WDR82: variants seen among roughly 807,000 people sequenced by gnomAD.
WDR82 encodes the protein WD repeat domain 82, also known as WD repeat-containing protein 82.
In WDR82, 8 loss-of-function variants were observed where a neutral mutation model predicts 36.1. That is an observed-to-expected ratio of 0.22 (90% CI 0.13 to 0.40). The LOEUF is 0.40. WDR82 is among the 10% of genes least tolerant of loss of function. WDR82 has a pLI of 1.00. For synonymous variants in WDR82, 129 were observed against 137.8 expected, an observed-to-expected ratio of 0.94 and a Z score of 0.45; for missense variants, 185 against 400.5, an observed-to-expected ratio of 0.46 and a Z score of 4.59.
At chr3:52,270,935 G>C (rs936348483) in intron 1 of WDR82, 126 bp from the exon 2 acceptor site, 9 of 597,106 alleles carry the variant, frequency 1.5e-5, no homozygotes, top group African/African-American at 3.8e-5. Flanking sequence ...TCTAACACTG[G>C]AAAGAAACAA....
At chr3:52,261,610 A>G (rs543723383) in intron 3 of WDR82, 131 bp from the exon 4 acceptor site, 11 of 639,600 alleles carry the variant, frequency 1.7e-5, no homozygotes, top group African/African-American at 1.5e-4. Context: ...AAGAAACACA[A>G]TAAAACACAC....
intron 1 of WDR82, among the ~76,000 whole-genome samples, chr3:52,277,236 G>T (rs958894059): frequency 6.6e-6 from 1 of 152,070 alleles, no homozygotes; most frequent in Admixed American, 6.6e-5. Flanking sequence ...TGGCTCCAAG[G>T]AGCTGCAAGT....
Position 52,278,350 on chromosome 3 carries a change from G to C in WDR82, c.12C>G (p.Thr4=), listed in dbSNP as rs755133868. The C allele has an allele frequency of 6.3e-7, 1 of 1,577,182 alleles. No homozygotes were observed. Among genetic ancestry groups the C allele is most frequent in the Admixed American group, 1.8e-5 (1 of 54,370 alleles). The change falls in exon 1 of 9, where the codon ACC becomes ACG. Residue 4 remains threonine, a synonymous_variant. Coordinates refer to ENST00000296490, the MANE Select transcript of WDR82 (RefSeq NM_025222.4). MKL[T]DSVLRSFRVA... is the part of the protein sequence containing the mutation. ...CGCGGAAGCTCCGCAACACGCTGTC[G>C]GTCAGCTTCATGGCGGCGGCTGGGG...
chr3:52,265,633 T>C (rs1700099290), intron 3 of WDR82, among the ~76,000 whole-genome samples: 1 of 148,538 alleles, frequency 6.7e-6, no homozygotes, highest in African/African-American at 2.5e-5. Context: ...TGGAGTGCAG[T>C]GGCGCCACCT....
At chr3:52,278,147 G>A in intron 1 of WDR82, 54 bp downstream of exon 1, 1 of 1,508,042 alleles carries the variant, frequency 6.6e-7, no homozygotes, top group South Asian at 1.2e-5. Flanking sequence ...GACCTGTGCT[G>A]GGCCACCGGA....
At chr3:52,258,848 T>C (rs568305709) in intron 7 of WDR82, among the ~76,000 whole-genome samples, 170 bp from the exon 8 acceptor site, 2 of 152,338 alleles carry the variant, frequency 1.3e-5, no homozygotes, top group African/African-American at 2.4e-5. Flanking sequence ...GAAATTTATC[T>C]TGACCCTAGC....
intron 6 of WDR82, 49 bp downstream of exon 6, chr3:52,259,668 T>C (rs888167537): frequency 1.9e-5 from 30 of 1,575,954 alleles, no homozygotes; most frequent in South Asian, 2.3e-5. Flanking sequence ...ATTCTTAGCA[T>C]AGGAAGTATG....
In WDR82 at chr3:52,254,964, C is replaced by T. The variant is rs1222766981; in HGVS notation, c.*2526G>A. On this transcript the variant is annotated 3_prime_UTR_variant, in exon 9 of 9. Transcript: ENST00000296490. ...CATTTTTTTTTTTTTTTTTTTGAGA[C>T]GGAGTTTTGCTGTTGTTGCCCAGGC... The T allele has an allele frequency of 4.3e-5, 6 of 139,624 alleles. No individual in the cohort carries two copies. The highest frequency in any genetic ancestry group is 5.4e-5 in the African/African-American group (2 of 37,052). The allele number at this position is 139,624 out of a possible 1,614,324, so 8.6% of individuals were successfully genotyped here.
intron 8 of WDR82, among the ~76,000 whole-genome samples, chr3:52,258,093 TA>T (rs1474240931): frequency 1.3e-5 from 2 of 152,118 alleles, no homozygotes. Flanking sequence ...TAGGAAGAGA[TA>T]AGGGCCTGGA....
At chr3:52,277,457 G>C (rs980697003) in intron 1 of WDR82, among the ~76,000 whole-genome samples, 1 of 152,186 alleles carries the variant, frequency 6.6e-6, no homozygotes, top group Non-Finnish European at 1.5e-5. Context: ...ATTGTTCTAC[G>C]ATGCTTGCTT....
intron 2 of WDR82, among the ~76,000 whole-genome samples, chr3:52,269,116 G>A (rs916738340): frequency 2.0e-5 from 3 of 151,966 alleles, no homozygotes; most frequent in African/African-American, 7.3e-5. Context: ...TGTAGCCACC[G>A]GCCTAAAAAA....
chr3:52,277,961 C>A (rs549743185), intron 1 of WDR82, among the ~76,000 whole-genome samples: 2 of 152,018 alleles, frequency 1.3e-5, no homozygotes, highest in East Asian at 3.9e-4. Flanking sequence ...GCATAGCGCT[C>A]AAAGGAGACC....
rs1578014303 is a variant in WDR82, at chr3:52,278,610, C to G, written c.-249G>C. ...ACGGACAACCGGCGCGTCGCCGGCT[C>G]ATTGTGTCCGCCATTTTGGGGCGAC... On this transcript the variant is annotated 5_prime_UTR_variant, in exon 1 of 9. It removes an upstream start codon present in the reference 5' UTR. Coordinates refer to ENST00000296490, the MANE Select transcript of WDR82 (RefSeq NM_025222.4). The G allele has an allele frequency of 2.5e-6, 1 of 400,688 alleles. No homozygotes were observed. 24.8% of individuals were successfully genotyped at this position (400,688 alleles called of 1,614,324 possible). A position where few individuals can be genotyped will look rare whatever the true frequency, so the allele number is the denominator to read the frequency against.
At chr3:52,266,143 T>A (rs1700104104) in intron 3 of WDR82, among the ~76,000 whole-genome samples, 1 of 152,090 alleles carries the variant, frequency 6.6e-6, no homozygotes, top group African/African-American at 2.4e-5. Flanking sequence ...AACTTCTTGA[T>A]TTTAAAAAAA....
chr3:52,276,996 G>A (rs1186626699), intron 1 of WDR82, among the ~76,000 whole-genome samples: 1 of 147,284 alleles, frequency 6.8e-6, no homozygotes, highest in African/African-American at 2.5e-5. Flanking sequence ...CCAAAAGAAG[G>A]ACACCAGTCT....
At chr3:52,271,715 C>T (rs1470547981) in intron 1 of WDR82, among the ~76,000 whole-genome samples, 2 of 152,162 alleles carry the variant, frequency 1.3e-5, no homozygotes, top group African/African-American at 4.8e-5. Context: ...GTCAAAAGCG[C>T]TTGCTGAGCC....
intron 5 of WDR82, 100 bp downstream of exon 5, chr3:52,260,285 C>T: frequency 2.5e-6 from 2 of 806,608 alleles, no homozygotes; most frequent in Non-Finnish European, 1.9e-6. Flanking sequence ...GCTGAGATTA[C>T]ACCACTGCAC....
intron 2 of WDR82, chr3:52,268,397 C>T (rs1467009756): frequency 4.2e-6 from 2 of 470,588 alleles, no homozygotes; most frequent in Non-Finnish European, 8.9e-6. Flanking sequence ...GCTGGAGGAA[C>T]TCTTCAGGAT....
intron 1 of WDR82, among the ~76,000 whole-genome samples, chr3:52,273,981 T>C (rs1249441399): frequency 1.3e-5 from 2 of 152,340 alleles, no homozygotes; most frequent in African/African-American, 2.4e-5. Flanking sequence ...TCTTACAAAA[T>C]ACATGCACAA....
Sources: gnomAD v4.1 joint callset for allele counts (sites outside exome capture counted in the v4.1 genomes callset) on GRCh38, gnomAD v4.1.1 for gene constraint, MANE v1.5 for transcripts, NCBI Gene and HGNC (gene_info 2026-07-23, HGNC 2026-07-21) for gene names.